The following SCARA3 variants were observed in gnomAD, a reference collection of about 807,000 sequenced individuals.
SCARA3 encodes the protein cellular stress response gene protein.
SCARA3 carries 39 observed loss-of-function variants against 47.0 expected under a neutral mutation model. The observed-to-expected ratio is 0.83, with a 90% confidence interval of 0.64 to 1.08. The LOEUF (loss-of-function observed/expected upper bound fraction) is 1.08, where lower values mean the gene tolerates loss of function less well. Among genes scored for constraint, SCARA3 ranks in the 50% least tolerant of loss-of-function variants. The pLI is 0.00. For synonymous variants in SCARA3, 356 were observed against 334.1 expected (o/e 1.07, Z -0.71); for missense variants, 724 against 792.3 (o/e 0.91, Z 1.04).
chr8:27,719,091 A>T, the SCARA3 span, among the ~76,000 whole-genome samples: 4 of 152,314 alleles, frequency 2.6e-5, no homozygotes, highest in South Asian at 4.1e-4. Flanking sequence ...GTTTTGACAA[A>T]AGAGAAATAG....
At chr8:27,699,326 C>A in the SCARA3 span, among the ~76,000 whole-genome samples, 4 of 150,996 alleles carry the variant, frequency 2.6e-5, no homozygotes, top group African/African-American at 9.7e-5. Context: ...AAAATCCCAG[C>A]AGCCTTATTT....
At chr8:27,664,521 C>T (rs1037705996) in intron 5 of SCARA3, among the ~76,000 whole-genome samples, 1 of 152,086 alleles carries the variant, frequency 6.6e-6, no homozygotes, top group African/African-American at 2.4e-5. Flanking sequence ...TCAGTGCCCA[C>T]CCAGGAAAGG....
intron 5 of SCARA3, 64 bp from the exon 6 acceptor site, chr8:27,670,836 T>A: frequency 7.2e-7 from 1 of 1,397,784 alleles, no homozygotes; most frequent in Non-Finnish European, 9.7e-7. Context: ...GCTCTGCTCA[T>A]GGGCGAGCCT....
At chr8:27,726,514 C>T in the SCARA3 span, among the ~76,000 whole-genome samples, 5 of 152,156 alleles carry the variant, frequency 3.3e-5, no homozygotes, top group South Asian at 6.2e-4. Context: ...CTGACCAATG[C>T]GGTGAAACCC....
At chr8:27,726,417 A>G in the SCARA3 span, among the ~76,000 whole-genome samples, 4 of 152,158 alleles carry the variant, frequency 2.6e-5, no homozygotes, top group South Asian at 8.3e-4. Flanking sequence ...TAAAAACAAC[A>G]GCCAGGCGCA....
At chr8:27,729,802 T>A in the SCARA3 span, among the ~76,000 whole-genome samples, 1 of 151,516 alleles carries the variant, frequency 6.6e-6, no homozygotes, top group African/African-American at 2.4e-5. Context: ...TTTAAAAAAA[T>A]TAAAAAATTA....
chr8:27,730,401 T>C, the SCARA3 span, among the ~76,000 whole-genome samples: 1 of 151,956 alleles, frequency 6.6e-6, no homozygotes, highest in Admixed American at 6.6e-5. Context: ...CCCCCTTCCC[T>C]GTAGCTGAGC....
the SCARA3 span, among the ~76,000 whole-genome samples, chr8:27,717,556 G>A: frequency 4.6e-5 from 7 of 152,252 alleles, no homozygotes; most frequent in East Asian, 1.9e-4. Context: ...AGGCTGCAGC[G>A]GGCAGATTAC....
the SCARA3 span, among the ~76,000 whole-genome samples, chr8:27,721,015 C>G: frequency 6.6e-6 from 1 of 152,028 alleles, no homozygotes; most frequent in Non-Finnish European, 1.5e-5. Context: ...CACCTATTCA[C>G]CCAATCTGCC....
At chr8:27,650,757 A>G (rs7832852) in intron 2 of SCARA3, among the ~76,000 whole-genome samples, 2,133 of 152,274 alleles carry the variant, frequency 0.014, 48 homozygotes, top group African/African-American at 0.048. Flanking sequence ...CAACAATTCA[A>G]CTGGTGGACC....
chr8:27,671,159 AG>A lies in SCARA3; in HGVS notation c.1632del (p.Pro546GlnfsTer118). The A allele has an allele frequency of 1.3e-6, 2 of 1,531,984 alleles. No homozygotes were observed. Among genetic ancestry groups the A allele is most frequent in the Non-Finnish European group, 1.7e-6 (2 of 1,143,180 alleles). The allele number at this position is 1,531,984 out of a possible 1,614,324, so 94.9% of individuals were successfully genotyped here. Reference protein sequence around the residue: ...RGQPGPKGDIGPPGPEGPPGS... With the variant: ...RGQPGPKGDIXPPGPEGPPGS... Reference sequence around the variant, plus strand: ...GACAGCCAGGCCCAAAAGGGGACATAGGGCCCCCAGGGCCAGAAGGGCCCCC... The same window carrying A: ...GACAGCCAGGCCCAAAAGGGGACATAGGCCCCCAGGGCCAGAAGGGCCCCC... On this transcript the variant is annotated frameshift_variant, in exon 6 of 6. Transcript: ENST00000301904. LOFTEE classifies it high-confidence loss of function.
chr8:27,633,755 A>T (rs893269161), upstream of SCARA3: 2 of 150,892 alleles, frequency 1.3e-5, no homozygotes, highest in African/African-American at 2.4e-5. Context: ...CAGTTTTGAA[A>T]ATACCAAGGA....
the SCARA3 span, among the ~76,000 whole-genome samples, chr8:27,729,705 C>A: frequency 6.6e-6 from 1 of 152,048 alleles, no homozygotes; most frequent in Non-Finnish European, 1.5e-5. Context: ...GCAGGAGAAT[C>A]GCGTGAACCC....
chr8:27,651,958 C>T (rs942463045), intron 3 of SCARA3, among the ~76,000 whole-genome samples: 1 of 152,218 alleles, frequency 6.6e-6, no homozygotes, highest in East Asian at 1.9e-4. Context: ...CTAGGCCCCA[C>T]CCCGATCGTG....
chr8:27,721,018 A>C, the SCARA3 span, among the ~76,000 whole-genome samples: 1 of 151,800 alleles, frequency 6.6e-6, no homozygotes, highest in African/African-American at 2.4e-5. Context: ...CTATTCACCC[A>C]ATCTGCCAAT....
chr8:27,634,085 C>A lies in SCARA3; in HGVS notation c.-116C>A. 1 of 980,600 alleles carries A rather than the reference C, an allele frequency of 1.0e-6. No individual in the cohort carries two copies. Among genetic ancestry groups the A allele is most frequent in the South Asian group, 2.6e-5 (1 of 38,474 alleles). The allele number at this position is 980,600 out of a possible 1,614,324, so 60.7% of individuals were successfully genotyped here. On this transcript the variant is annotated 5_prime_UTR_variant, in exon 1 of 6. Transcript: ENST00000301904. ...TGAGTCCCGGCCGGAGCCCCACGGCCGCGGGCGGCGCCTAGGACGGCGATC... is the reference window on the plus strand; with the variant it reads ...TGAGTCCCGGCCGGAGCCCCACGGCAGCGGGCGGCGCCTAGGACGGCGATC...
chr8:27,671,191 C>G lies in SCARA3; in HGVS notation c.1661C>G (p.Ser554Cys). Residue 554 changes from serine (S) to cysteine (C), a missense_variant, in exon 6 of 6, where the codon TCT (serine) becomes TGT (cysteine). By Grantham distance (112) the Ser-to-Cys change is moderately radical. Transcript: ENST00000301904. The stretch of plus-strand genomic sequence containing the variant: ...CCAGGGCCAGAAGGGCCCCCGGGGT[C>G]TCCAGGGCCCTCAGGGCCTCAGGGA... ...GPPGPEGPPGSPGPSGPQGKP... is the reference protein window; with the variant it reads ...GPPGPEGPPGCPGPSGPQGKP... 6.6e-7 allele frequency: 1 copy of G among 1,511,946 alleles called. No homozygotes were observed. Among genetic ancestry groups the G allele is most frequent in the Non-Finnish European group, 8.8e-7 (1 of 1,135,648 alleles). 93.7% of individuals were successfully genotyped at this position (1,511,946 alleles called of 1,614,324 possible). A position where few individuals can be genotyped will look rare whatever the true frequency, so the allele number is the denominator to read the frequency against.
downstream of SCARA3, among the ~76,000 whole-genome samples, chr8:27,675,956 A>C (rs1303278132): frequency 6.6e-6 from 1 of 152,192 alleles, no homozygotes; most frequent in Non-Finnish European, 1.5e-5. Context: ...CTGACGCCCC[A>C]GATAAAACTT....
chr8:27,683,231 C>CA, the SCARA3 span, among the ~76,000 whole-genome samples: 9,203 of 152,052 alleles, frequency 0.061, 434 homozygotes, highest in Non-Finnish European at 0.092. Flanking sequence ...CTAGAAGAGG[C>CA]AAAACCAATA....
Sources: gnomAD v4.1 joint callset for allele counts (sites outside exome capture counted in the v4.1 genomes callset) on GRCh38, gnomAD v4.1.1 for gene constraint, MANE v1.5 for transcripts, NCBI Gene and HGNC (gene_info 2026-07-23, HGNC 2026-07-21) for gene names.